Variants in DAGLB observed in about 807,000 individuals in gnomAD.
DAGLB encodes the protein diacylglycerol lipase beta, also known as diacylglycerol lipase-beta.
DAGLB carries 66 observed loss-of-function variants against 72.1 expected under a neutral mutation model. The ratio of observed to expected loss-of-function variants is 0.92; its 90% CI spans 0.75 to 1.12. The LOEUF (loss-of-function observed/expected upper bound fraction) is 1.12. Ranked by LOEUF, DAGLB falls within the 50% of genes most tolerant of loss-of-function variation. DAGLB has a pLI of 0.00. For synonymous variants in DAGLB, 414 were observed against 359.5 expected, an observed-to-expected ratio of 1.15 and a Z score of -1.71; for missense variants, 1,065 against 884.9, an observed-to-expected ratio of 1.20 and a Z score of -2.58.
intron 6 of DAGLB, among the ~76,000 whole-genome samples, 195 bp downstream of exon 6, chr7:6,430,285 A>ATATATATATATATATATATATATATATGG: frequency 1.0e-5 from 1 of 98,422 alleles, no homozygotes; most frequent in Admixed American, 1.1e-4. Context: ...ATATATATGC[A>ATATATATATATATATATATATATATATGG]GGGGGGAGGG....
rs775565584 is a variant in DAGLB, at chr7:6,409,947, TGA to T, written c.1907_1908del (p.Leu636HisfsTer57). Reference protein sequence around the residue: ...FSKILIGPKMLTDHMPDILMR... With the variant: ...FSKILIGPKMXTDHMPDILMR... Reference sequence around the variant, plus strand: ...ATCAGGATGTCTGGCATGTGGTCGGTGAGCATCTTCGGACCTATGAGTATTTT... The same window carrying T: ...ATCAGGATGTCTGGCATGTGGTCGGTGCATCTTCGGACCTATGAGTATTTT... On this transcript the variant is annotated frameshift_variant, in exon 15 of 15. Coordinates refer to ENST00000297056, the MANE Select transcript of DAGLB (RefSeq NM_139179.4). LOFTEE classifies it low-confidence loss of function (END_TRUNC). The T allele has an allele frequency of 3.1e-6, 5 of 1,614,034 alleles. No homozygotes were observed. In the Admixed American group the frequency reaches 8.3e-5, roughly 27 times the overall value.
intron 9 of DAGLB, among the ~76,000 whole-genome samples, chr7:6,418,359 ACT>A (rs746665232): frequency 2.0e-5 from 3 of 151,904 alleles, no homozygotes; most frequent in Admixed American, 6.6e-5. Context: ...GCACAGTGAG[ACT>A]CTTTCTGAAA....
Position 6,434,789 on chromosome 7 carries a change from C to G in DAGLB, c.651G>C (p.Thr217=). The G allele has an allele frequency of 1.9e-6, 3 of 1,614,152 alleles. No individual in the cohort carries two copies. Among genetic ancestry groups the G allele is most frequent in the Non-Finnish European group, 2.5e-6 (3 of 1,180,030 alleles). ...AAAAGTAGGTTGAGAAAAGCTCTGC[C>G]GTACTCGAAAAAGCAACCCGAGTAT... ...DDHTRVAFSS[T]AELFSTYFSD... The change falls in exon 4 of 15, where the codon ACG becomes ACC. Residue 217 remains threonine (T), a synonymous_variant. Coordinates refer to ENST00000297056, the MANE Select transcript of DAGLB (RefSeq NM_139179.4).
At chr7:6,434,652 C>G (rs527683009) in intron 4 of DAGLB, 110 bp downstream of exon 4, 1 of 1,546,104 alleles carries the variant, frequency 6.5e-7, no homozygotes, top group Non-Finnish European at 8.8e-7. Flanking sequence ...CCCACACACC[C>G]AAAGACACCA....
At chr7:6,426,190 T>A in intron 6 of DAGLB, 76 bp from the exon 7 acceptor site, 1 of 1,593,578 alleles carries the variant, frequency 6.3e-7, no homozygotes, top group Non-Finnish European at 8.6e-7. Context: ...CTGCCACATG[T>A]TCCCAGAGAC....
chr7:6,433,782 AGGAGGT>A (rs1356603316), intron 4 of DAGLB, among the ~76,000 whole-genome samples: 5 of 151,738 alleles, frequency 3.3e-5, no homozygotes, highest in Admixed American at 2.6e-4. Flanking sequence ...TCTCGAACAC[AGGAGGT>A]GGAGGTTGTG....
At chr7:6,438,817 G>A (rs1237715463) in intron 2 of DAGLB, among the ~76,000 whole-genome samples, 1 of 152,118 alleles carries the variant, frequency 6.6e-6, no homozygotes, top group Non-Finnish European at 1.5e-5. Context: ...AGACCACGCT[G>A]GGGAACACAG....
rs1014581027 is a variant in DAGLB, at chr7:6,424,693, C to A, written c.1140+59G>T. The A allele has an allele frequency of 7.8e-6, 12 of 1,536,454 alleles. No homozygotes were observed. In the Admixed American group the frequency reaches 1.0e-4, roughly 13 times the overall value. On this transcript the variant is annotated intron_variant, in intron 8 of 14. Transcript: ENST00000297056. Reference sequence around the variant, plus strand: ...CTGACGGATTTCCCCAGCCGAGCAGCTGTGGGCTCCCGCTCCCGCACCCAC... The same window carrying A: ...CTGACGGATTTCCCCAGCCGAGCAGATGTGGGCTCCCGCTCCCGCACCCAC...
chr7:6,421,799 G>A lies in DAGLB; in HGVS notation c.1146C>T (p.Val382=). 1 of 1,612,908 alleles carries A rather than the reference G, an allele frequency of 6.2e-7. No individual in the cohort carries two copies. Among genetic ancestry groups the A allele is most frequent in the Non-Finnish European group, 8.5e-7 (1 of 1,179,516 alleles). Residue 382 remains valine (V), a synonymous_variant, in exon 9 of 15, where the codon GTC becomes GTT. Coordinates refer to ENST00000297056, the MANE Select transcript of DAGLB (RefSeq NM_139179.4). Reference sequence around the variant, plus strand: ...CACTCTCCGCTGACAGGTCCGTAAGGACATCCTGTAAAAAGGGCGTTGCAG... The same window carrying A: ...CACTCTCCGCTGACAGGTCCGTAAGAACATCCTGTAAAAAGGGCGTTGCAG... ...AVRGTMSLQD[V]LTDLSAESEV...
intron 2 of DAGLB, among the ~76,000 whole-genome samples, chr7:6,438,553 G>A (rs1193594017): frequency 6.6e-6 from 1 of 151,552 alleles, no homozygotes; most frequent in Non-Finnish European, 1.5e-5. Context: ...ACACCCCAGA[G>A]AAACAGGAAA....
rs900758417 is a variant in DAGLB, at chr7:6,412,636, G to C, written c.1569+175C>G. 1.1e-5 allele frequency: 8 copies of C among 704,244 alleles called. No homozygotes were observed. In the South Asian group the frequency reaches 1.5e-4, roughly 13 times the overall value. 43.6% of individuals were successfully genotyped at this position (704,244 alleles called of 1,614,324 possible). ...TTTCCCGCACTTGCTGCAGCCATTTGCTTTCTTAGACATCACAGAGTCCTA... is the reference window on the plus strand; with the variant it reads ...TTTCCCGCACTTGCTGCAGCCATTTCCTTTCTTAGACATCACAGAGTCCTA... On this transcript the variant is annotated intron_variant, in intron 13 of 14. Transcript: ENST00000297056.
In DAGLB at chr7:6,430,567, T is replaced by G. The variant is rs760981467; in HGVS notation, c.842A>C (p.Tyr281Ser). 3 of 1,604,450 alleles carry G rather than the reference T, an allele frequency of 1.9e-6. No homozygotes were observed. Among genetic ancestry groups the G allele is most frequent in the Non-Finnish European group, 2.6e-6 (3 of 1,173,654 alleles). The part of the protein sequence containing the change: ...LDAELENCHH[Y>S]MQFAAAAYGW... ...ATAGGCCGCTGCTGCAAACTGCATG[T>G]AATGATGGCAGTTTTCTAATTCTGC... The change falls in exon 6 of 15, where the codon TAC becomes TCC. Residue 281 changes from tyrosine to serine, a missense_variant. Transcript: ENST00000297056.
Position 6,424,855 on chromosome 7 carries a change from G to C in DAGLB, c.1057-20C>G. The C allele has an allele frequency of 6.2e-7, 1 of 1,612,352 alleles. No individual in the cohort carries two copies. On this transcript the variant is annotated intron_variant, in intron 7 of 14. Transcript: ENST00000297056. The stretch of plus-strand genomic sequence containing the variant: ...GTAAACCTGCAGGAGCAAGAAACAA[G>C]CATGGGGCCTAAACAGTGAACACAC...
At chr7:6,447,719 T>C (rs1392645823) in intron 1 of DAGLB, 29 bp downstream of exon 1, 6 of 1,603,690 alleles carry the variant, frequency 3.7e-6, no homozygotes, top group Admixed American at 1.7e-5. Context: ...TCCGGTGGGC[T>C]CCACCGCCCC....
intron 6 of DAGLB, 107 bp downstream of exon 6, chr7:6,430,373 T>A: frequency 7.9e-7 from 1 of 1,262,836 alleles, no homozygotes; most frequent in Non-Finnish European, 1.0e-6. Flanking sequence ...AGGTAAAGGA[T>A]TCATGGGAGT....
At position 6,412,673 on chromosome 7, in the gene DAGLB, G is replaced by C. The variant is rs1783767083; in HGVS notation, c.1569+138C>G. 1.0e-5 allele frequency: 10 copies of C among 971,132 alleles called. No individual in the cohort carries two copies. In the Admixed American group the frequency reaches 1.3e-4, roughly 12 times the overall value. 60.2% of individuals were successfully genotyped at this position (971,132 alleles called of 1,614,324 possible). A position where few individuals can be genotyped will look rare whatever the true frequency, so the allele number is the denominator to read the frequency against. On this transcript the variant is annotated intron_variant, in intron 13 of 14. Coordinates refer to ENST00000297056, the MANE Select transcript of DAGLB (RefSeq NM_139179.4). ...ATCACAGAGTCCTAGCCCAGAATCT[G>C]ATCAGATGGTGGAAGGAGAACTTCC...
In DAGLB at chr7:6,424,769, C is replaced by G; in HGVS notation, c.1123G>C (p.Gly375Arg). 2 of 1,613,828 alleles carry G rather than the reference C, an allele frequency of 1.2e-6. No individual in the cohort carries two copies. The highest frequency in any genetic ancestry group is 1.7e-6 in the Non-Finnish European group (2 of 1,179,882). The change falls in exon 8 of 15, where the codon GGG (glycine) becomes CGG (arginine). Residue 375 changes from glycine (G) to arginine (R), a missense_variant. Gly to Arg is a moderately radical substitution (Grantham distance 125). Coordinates refer to ENST00000297056, the MANE Select transcript of DAGLB (RefSeq NM_139179.4). Reference protein sequence around the residue: ...RKESVVVAVRGTMSLQDVLTD... With the variant: ...RKESVVVAVRRTMSLQDVLTD... ...AACGTTACCTGCAGAGACATGGTCC[C>G]CCTCACAGCGACCACAACAGACTCT...
At chr7:6,411,513 G>T (rs1159767305) in intron 13 of DAGLB, among the ~76,000 whole-genome samples, 1 of 152,170 alleles carries the variant, frequency 6.6e-6, no homozygotes, top group Non-Finnish European at 1.5e-5. Flanking sequence ...TGTAGCCCCA[G>T]CTACTCAGGA....
At chr7:6,416,370 C>G (rs1366487968) in intron 11 of DAGLB, 2 of 341,090 alleles carry the variant, frequency 5.9e-6, no homozygotes, top group Admixed American at 9.1e-5. Context: ...ATGGTGAAAC[C>G]CCACCACTAC....
Sources: allele counts gnomAD v4.1 joint callset (sites outside exome capture counted in the v4.1 genomes callset), GRCh38; gene constraint gnomAD v4.1.1; transcripts MANE v1.5; gene names NCBI Gene and HGNC (gene_info 2026-07-23, HGNC 2026-07-21).